BCAS3: variants seen among roughly 807,000 people sequenced by gnomAD.
The protein encoded by BCAS3 is BCAS3 microtubule associated cell migration factor.
Under a neutral mutation model 116.1 loss-of-function variants are expected in BCAS3, and 53 were observed. That is an observed-to-expected ratio of 0.46 (90% confidence interval 0.37 to 0.57). The LOEUF is 0.57. BCAS3 is among the 20% of genes least tolerant of loss of function. BCAS3 has a pLI of 0.00. For synonymous variants in BCAS3, 391 were observed against 408.2 expected (o/e 0.96, Z 0.51); for missense variants, 917 against 1,165.4 (o/e 0.79, Z 3.10).
chr17:60,747,311 A>G (rs1318042916), intron 6 of BCAS3, 32 bp downstream of exon 6: 8 of 1,539,038 alleles, frequency 5.2e-6, no homozygotes, highest in Non-Finnish European at 7.1e-6. Context: ...AGAATCTTTC[A>G]GAAAAGAGTT....
rs2059991433 is a variant in BCAS3 at position 61,388,945 on chromosome 17, C to T, written c.2594-3032C>T. 1 of 515,722 alleles carries T rather than the reference C, an allele frequency of 1.9e-6. No homozygotes were observed. Among genetic ancestry groups the T allele is most frequent in the Admixed American group, 3.6e-5 (1 of 28,168 alleles). The allele number at this position is 515,722 out of a possible 1,614,324, so 31.9% of individuals were successfully genotyped here. The stretch of plus-strand genomic sequence containing the variant: ...GTCTGTGTTGAAGAATGGGCCCCCA[C>T]CTCCCCTTACCACATCATTCATTCA... On this transcript the variant is annotated intron_variant, in intron 23 of 23. Transcript: ENST00000407086. The surrounding 1 kb of genome is among the most constrained non-coding windows in gnomAD (Gnocchi z 6.5).
intron 22 of BCAS3, among the ~76,000 whole-genome samples, chr17:61,164,510 G>A (rs569300108): frequency 6.6e-6 from 1 of 152,196 alleles, no homozygotes; most frequent in African/African-American, 2.4e-5. Flanking sequence ...AGTAAACTAG[G>A]TCATGAGGGT....
At chr17:61,184,505 T>C (rs1483000414) in intron 22 of BCAS3, among the ~76,000 whole-genome samples, 1 of 152,152 alleles carries the variant, frequency 6.6e-6, no homozygotes, top group African/African-American at 2.4e-5. Flanking sequence ...TACATTGTTT[T>C]GGGGAATGCA....
chr17:60,902,034 A>G (rs2145061494), intron 10 of BCAS3, among the ~76,000 whole-genome samples: 1 of 152,374 alleles, frequency 6.6e-6, no homozygotes, highest in African/African-American at 2.4e-5. Context: ...TATGTCAGTC[A>G]CAAATAAGGA....
intron 22 of BCAS3, among the ~76,000 whole-genome samples, chr17:61,317,546 G>C (rs528850478): frequency 6.6e-6 from 1 of 152,172 alleles, no homozygotes; most frequent in Admixed American, 6.5e-5. Flanking sequence ...CTTCATTGAC[G>C]GTGAGGTGAG....
intron 23 of BCAS3, among the ~76,000 whole-genome samples, chr17:61,374,385 GGTCTCAAACTCC>G (rs1159105727): frequency 6.6e-6 from 1 of 152,034 alleles, no homozygotes; most frequent in African/African-American, 2.4e-5. Flanking sequence ...TGGCCAGGCT[GGTCTCAAACTCC>G]TGACCTCAAG....
chr17:60,908,693 C>T (rs921437825), intron 11 of BCAS3, among the ~76,000 whole-genome samples: 6 of 152,128 alleles, frequency 3.9e-5, no homozygotes, highest in African/African-American at 1.2e-4. Flanking sequence ...GTTTTATAAT[C>T]GCGGGAGTTT....
intron 14 of BCAS3, among the ~76,000 whole-genome samples, chr17:60,963,838 AGCCACCACACCCG>A (rs1279299145): frequency 6.6e-6 from 1 of 152,188 alleles, no homozygotes; most frequent in Non-Finnish European, 1.5e-5. Flanking sequence ...TACAGGCGTG[AGCCACCACACCCG>A]GCCAAATGCT....
In BCAS3 at chr17:61,125,811, C is replaced by A. The variant is rs558548240; in HGVS notation, c.2425+41247C>A. ...TCTCCAAAGACTTCCAAAATGTCTT[C>A]TTTTACGTAACTTTATCCATTAGAG... is the stretch of plus-strand genomic sequence containing the variant. On this transcript the variant is annotated intron_variant, in intron 22 of 23. Transcript: ENST00000407086. Among the ~76,000 whole-genome samples the A allele has an allele frequency of 4.6e-5, 7 of 152,300 alleles. No homozygotes were observed. The South Asian group carries it at 1.4e-3, about 32-fold the overall frequency.
Position 61,380,385 on chromosome 17 carries a change from G to C in BCAS3, c.2594-11592G>C, listed in dbSNP as rs115219235. The C allele has an allele frequency of 6.9e-6, 6 of 868,712 alleles. No individual in the cohort carries two copies. The African/African-American group carries it at 8.3e-5, about 12-fold the overall frequency. 53.8% of individuals were successfully genotyped at this position (868,712 alleles called of 1,614,324 possible). A position where few individuals can be genotyped will look rare whatever the true frequency, so the allele number is the denominator to read the frequency against. The stretch of plus-strand genomic sequence containing the variant: ...CTGGGAACAGACCATGAACACCCCC[G>C]CAAAGCTCTCAGTGGTCAAACCAGA... On this transcript the variant is annotated intron_variant, in intron 23 of 23. Transcript: ENST00000407086. The surrounding 1 kb of genome is among the most constrained non-coding windows in gnomAD (Gnocchi z 4.2).
chr17:61,206,335 A>G (rs1404964822), intron 22 of BCAS3, among the ~76,000 whole-genome samples: 2 of 152,224 alleles, frequency 1.3e-5, no homozygotes, highest in Non-Finnish European at 2.9e-5. Context: ...TCTGAAGCAG[A>G]GATGTCTAGA....
At chr17:61,386,808 T>G (rs2059883495) in intron 23 of BCAS3, among the ~76,000 whole-genome samples, 1 of 150,544 alleles carries the variant, frequency 6.6e-6, no homozygotes, top group Admixed American at 6.6e-5. Flanking sequence ...TTTTTTTTTT[T>G]TTTTTGAGAT....
intron 21 of BCAS3, among the ~76,000 whole-genome samples, chr17:61,081,224 T>A (rs2072572135): frequency 6.6e-6 from 1 of 152,196 alleles, no homozygotes; most frequent in African/African-American, 2.4e-5. Context: ...ACTGTCTCAT[T>A]TTTTTTCTAG....
rs376452092 is a variant in BCAS3 at position 61,276,267 on chromosome 17, C to T, written c.2426-92060C>T. On this transcript the variant is annotated intron_variant, in intron 22 of 23. Coordinates refer to ENST00000407086, the MANE Select transcript of BCAS3 (RefSeq NM_017679.5). The surrounding 1 kb of genome is among the most constrained non-coding windows in gnomAD (Gnocchi z 4.2). ...ACTTGGGAGAGTGAGGCAGGAGAATCGCTTGAACCTGGGAGGCAGAGGTTG... is the reference window on the plus strand; with the variant it reads ...ACTTGGGAGAGTGAGGCAGGAGAATTGCTTGAACCTGGGAGGCAGAGGTTG... Among the ~76,000 whole-genome samples, 27 of 152,116 alleles carry T rather than the reference C, an allele frequency of 1.8e-4. No individual in the cohort carries two copies. The highest frequency in any genetic ancestry group is 3.8e-4 in the Non-Finnish European group (26 of 67,988).
At chr17:60,748,824 T>TA (rs1333772653) in intron 6 of BCAS3, 2 of 152,224 alleles carry the variant, frequency 1.3e-5, no homozygotes, top group Non-Finnish European at 2.9e-5. Flanking sequence ...TGTATTTATT[T>TA]AAAAACATAT....
In BCAS3 at chr17:60,956,923, C is replaced by T. The variant is rs2061163674; in HGVS notation, c.1221+9571C>T. On this transcript the variant is annotated intron_variant, in intron 14 of 23. Coordinates refer to ENST00000407086, the MANE Select transcript of BCAS3 (RefSeq NM_017679.5). This position sits in a 1 kb window ranked among gnomAD's most constrained non-coding sequence, Gnocchi z 4.2. The stretch of plus-strand genomic sequence containing the variant: ...CTACAAAAGCATGTTTTTCTGGATT[C>T]TTCCAAGAACTCTGACGGTACTTTA... Among the ~76,000 whole-genome samples, 1 of 152,094 alleles carries T rather than the reference C, an allele frequency of 6.6e-6. No homozygotes were observed. Among genetic ancestry groups the T allele is most frequent in the Non-Finnish European group, 1.5e-5 (1 of 68,002 alleles).
At chr17:61,231,604 T>G (rs1044449491) in intron 22 of BCAS3, among the ~76,000 whole-genome samples, 1 of 152,100 alleles carries the variant, frequency 6.6e-6, no homozygotes, top group Non-Finnish European at 1.5e-5. Context: ...AGACAGTGGC[T>G]CATACCTGTA....
In BCAS3 at chr17:61,128,542, G is replaced by C. The variant is rs563739030; in HGVS notation, c.2425+43978G>C. The C allele has an allele frequency of 5.1e-5, 50 of 985,360 alleles. No individual in the cohort carries two copies. In the African/African-American group the frequency reaches 8.0e-4, roughly 16 times the overall value. The allele number at this position is 985,360 out of a possible 1,614,324, so 61.0% of individuals were successfully genotyped here. On this transcript the variant is annotated intron_variant, in intron 22 of 23. Coordinates refer to ENST00000407086, the MANE Select transcript of BCAS3 (RefSeq NM_017679.5). The surrounding 1 kb of genome is among the most constrained non-coding windows in gnomAD (Gnocchi z 4.1). Reference sequence around the variant, plus strand: ...CGTTCTTCTCTATCCCAAATCGTTTGAATCGTTTGACTGCTATACACAATC... The same window carrying C: ...CGTTCTTCTCTATCCCAAATCGTTTCAATCGTTTGACTGCTATACACAATC...
rs559128552 is a variant in BCAS3, at chr17:61,056,989, G to A, written c.2029+16097G>A. On this transcript the variant is annotated intron_variant, in intron 19 of 23. Coordinates refer to ENST00000407086, the MANE Select transcript of BCAS3 (RefSeq NM_017679.5). This position sits in a 1 kb window ranked among gnomAD's most constrained non-coding sequence, Gnocchi z 4.9. ...ACCTTCTTTATTTGAATTGACAAATGGCTGCATTAGGAGAAGGAGGGAAAT... is the reference window on the plus strand; with the variant it reads ...ACCTTCTTTATTTGAATTGACAAATAGCTGCATTAGGAGAAGGAGGGAAAT... 6.6e-6 allele frequency among the ~76,000 whole-genome samples: 1 copy of A among 152,278 alleles called. No homozygotes were observed. Among genetic ancestry groups the A allele is most frequent in the African/African-American group, 2.4e-5 (1 of 41,562 alleles).
Sources: gnomAD v4.1 joint callset for allele counts (sites outside exome capture counted in the v4.1 genomes callset) on GRCh38, gnomAD v4.1.1 for gene constraint, Gnocchi (gnomAD v3.1) non-coding constraint, MANE v1.5 for transcripts, NCBI Gene and HGNC (gene_info 2026-07-23, HGNC 2026-07-21) for gene names.